The following ATP10D variants were observed in gnomAD, a reference collection of about 807,000 sequenced individuals.
ATP10D encodes phospholipid-transporting ATPase VD.
ATP10D carries 89 observed loss-of-function variants against 144.8 expected under a neutral mutation model. The observed-to-expected ratio is 0.61, with a 90% CI of 0.52 to 0.73. The LOEUF (loss-of-function observed/expected upper bound fraction) is 0.73. ATP10D is among the 30% of genes least tolerant of loss of function. The probability of loss-of-function intolerance (pLI) is 0.00; values close to 1 mark genes in which losing one functional copy is unlikely to be tolerated. For synonymous variants in ATP10D, 571 were observed against 615.1 expected, an observed-to-expected ratio of 0.93 and a Z score of 1.06; for missense variants, 1,603 against 1,714.8, an observed-to-expected ratio of 0.93 and a Z score of 1.15.
At chr4:47,505,093 G>A (rs1021574508) in intron 1 of ATP10D, among the ~76,000 whole-genome samples, 2 of 152,176 alleles carry the variant, frequency 1.3e-5, no homozygotes, top group Non-Finnish European at 2.9e-5. Flanking sequence ...TAATCCTTAA[G>A]ACCTCATCAA....
chr4:47,488,981 G>A (rs1714927082), intron 1 of ATP10D, among the ~76,000 whole-genome samples: 1 of 152,186 alleles, frequency 6.6e-6, no homozygotes, highest in South Asian at 2.1e-4. Flanking sequence ...GGACTTCCCA[G>A]CCTCTAGAAC....
chr4:47,536,791 A>T lies in ATP10D; in HGVS notation c.1249A>T (p.Ile417Phe). Residue 417 changes from isoleucine (I) to phenylalanine (F), a missense_variant, in exon 9 of 23, where the codon ATT becomes TTT. Coordinates refer to ENST00000273859, the MANE Select transcript of ATP10D (RefSeq NM_020453.4). Reference sequence around the variant, plus strand: ...TTTCTACAATGAAAAAATGGATTCTATTGTTCAGTGCCGAGCCCTGAACAT... The same window carrying T: ...TTTCTACAATGAAAAAATGGATTCTTTTGTTCAGTGCCGAGCCCTGAACAT... ...VDFYNEKMDS[I>F]VQCRALNIAE... is the part of the protein sequence containing the mutation. 1 of 1,613,218 alleles carries T rather than the reference A, an allele frequency of 6.2e-7. No individual in the cohort carries two copies. The highest frequency in any genetic ancestry group is 8.5e-7 in the Non-Finnish European group (1 of 1,179,584).
Position 47,549,619 on chromosome 4 carries a change from T to C in ATP10D, c.1635+2757T>C, listed in dbSNP as rs116163125. On this transcript the variant is annotated intron_variant, in intron 10 of 22. Coordinates refer to ENST00000273859, the MANE Select transcript of ATP10D (RefSeq NM_020453.4). ...GACGTGGCCTCAGCCTTCAGTTTTG[T>C]TCTAGATAGAGAAGAGAGACATATA... Among the ~76,000 whole-genome samples, 393 of 152,358 alleles carry C rather than the reference T, an allele frequency of 2.6e-3. 2 individuals are homozygous for C. The highest frequency in any genetic ancestry group is 8.9e-3 in the African/African-American group (371 of 41,580).
chr4:47,562,534 G>T (rs1000096519), intron 14 of ATP10D, among the ~76,000 whole-genome samples: 1 of 152,124 alleles, frequency 6.6e-6, no homozygotes, highest in African/African-American at 2.4e-5. Context: ...TAAAACGTCA[G>T]AAGACAACAG....
intron 21 of ATP10D, 108 bp from the exon 22 acceptor site, chr4:47,586,911 T>A (rs561777266): frequency 1.1e-6 from 1 of 929,700 alleles, no homozygotes; most frequent in Non-Finnish European, 1.7e-6. Flanking sequence ...GTTACACCAT[T>A]CATCCAGTGC....
chr4:47,526,953 A>G (rs1372957128), intron 5 of ATP10D, among the ~76,000 whole-genome samples: 1 of 152,204 alleles, frequency 6.6e-6, no homozygotes, highest in Non-Finnish European at 1.5e-5. Flanking sequence ...TAAGAAATTG[A>G]CAATCTTATT....
At chr4:47,491,347 T>C (rs1463882654) in intron 1 of ATP10D, 2 of 763,988 alleles carry the variant, frequency 2.6e-6, no homozygotes, top group Admixed American at 1.7e-5. Context: ...AAATCTCCAA[T>C]ATCACGTCTC....
intron 4 of ATP10D, 24 bp downstream of exon 4, chr4:47,523,240 T>A (rs1363235466): frequency 6.3e-7 from 1 of 1,592,446 alleles, no homozygotes; most frequent in Non-Finnish European, 8.6e-7. Flanking sequence ...TCTCAGTTAG[T>A]GGCTTATTAA....
chr4:47,525,627 G>T lies in ATP10D; in HGVS notation c.761G>T (p.Arg254Ile). 1 of 1,612,714 alleles carries T rather than the reference G, an allele frequency of 6.2e-7. No individual in the cohort carries two copies. Among genetic ancestry groups the T allele is most frequent in the Non-Finnish European group, 8.5e-7 (1 of 1,178,798 alleles). Residue 254 changes from arginine (R) to isoleucine (I), a missense_variant, in exon 5 of 23, where the codon AGA becomes ATA. Physicochemically the swap from Arg to Ile is moderately conservative, Grantham distance 97 (BLOSUM62 -3). Coordinates refer to ENST00000273859, the MANE Select transcript of ATP10D (RefSeq NM_020453.4). ...GAAAGCCCAAACAATGACCTCAGCA[G>T]ATTCCGAGGCTTCCTGTGAGTAATA... ...ECESPNNDLSRFRGFLEHSNK... is the reference protein window; with the variant it reads ...ECESPNNDLSIFRGFLEHSNK...
rs1346988072 is a variant in ATP10D at position 47,554,788 on chromosome 4, C to A, written c.1698C>A (p.Leu566=). The A allele has an allele frequency of 3.1e-6, 5 of 1,613,980 alleles. No homozygotes were observed. The South Asian group carries it at 4.4e-5, about 14-fold the overall frequency. The stretch of plus-strand genomic sequence containing the variant: ...AATTTAGTCAGATTACACCTCGGCT[C>A]TTTATGCCACTAGATGAGACCATCC... ...LDKFSQITPR[L]FMPLDETIQN... Residue 566 remains leucine (L), a synonymous_variant, in exon 11 of 23, where the codon CTC becomes CTA. Transcript: ENST00000273859.
rs200004371 is a variant in ATP10D at position 47,563,647 on chromosome 4, C to T, written c.2735C>T (p.Ala912Val). 8.7e-6 allele frequency: 14 copies of T among 1,613,742 alleles called. No individual in the cohort carries two copies. The highest frequency in any genetic ancestry group is 1.7e-5 in the Admixed American group (1 of 59,954). The change falls in exon 15 of 23, where the codon GCG becomes GTG. Residue 912 changes from alanine (A) to valine (V), a missense_variant. Transcript: ENST00000273859. ...VPESIEALHK[A>V]GIKIWMLTGD... is the part of the protein sequence containing the mutation. The stretch of plus-strand genomic sequence containing the variant: ...GAATCTATAGAAGCTCTTCACAAAG[C>T]GGGCATCAAGATCTGGATGCTGACA...
chr4:47,492,479 C>A (rs7681783), intron 1 of ATP10D, among the ~76,000 whole-genome samples: 151,595 of 152,344 alleles, frequency 1, 75,428 homozygotes, highest in East Asian at 1. Context: ...ACTTGTTTTT[C>A]ATACCATTTG....
At chr4:47,550,828 A>G (rs1410547411) in intron 10 of ATP10D, among the ~76,000 whole-genome samples, 1 of 152,168 alleles carries the variant, frequency 6.6e-6, no homozygotes, top group African/African-American at 2.4e-5. Flanking sequence ...CAGGGGTGGA[A>G]GTCAGCGGCG....
chr4:47,550,821 G>A lies in ATP10D; in HGVS notation c.1636-3905G>A, dbSNP rs181487435. On this transcript the variant is annotated intron_variant, in intron 10 of 22. Coordinates refer to ENST00000273859, the MANE Select transcript of ATP10D (RefSeq NM_020453.4). ...AGCAGACACCCTGCCAGATCCGCAG[G>A]GGTGGAAGTCAGCGGCGGGTCTGCG... 3.5e-3 allele frequency among the ~76,000 whole-genome samples: 528 copies of A among 152,336 alleles called. 4 individuals are homozygous for A. Among genetic ancestry groups the A allele is most frequent in the Middle Eastern group, 6.8e-3 (2 of 294 alleles).
intron 14 of ATP10D, among the ~76,000 whole-genome samples, chr4:47,561,713 T>C (rs1449275820): frequency 6.6e-6 from 1 of 152,226 alleles, no homozygotes; most frequent in African/African-American, 2.4e-5. Context: ...TCTGAAGCAC[T>C]TTAAAAAATA....
In ATP10D at chr4:47,512,596, C is replaced by G; in HGVS notation, c.56C>G (p.Ala19Gly). The G allele has an allele frequency of 6.2e-7, 1 of 1,614,154 alleles. No individual in the cohort carries two copies. The highest frequency in any genetic ancestry group is 1.3e-5 in the African/African-American group (1 of 75,028). ...CACTGGCGACGGCTGATCAGAGGTG[C>G]AACCAGGGATGATGATTCAGGGCCA... ...RYHWRRLIRG[A>G]TRDDDSGPYN... The change falls in exon 2 of 23, where the codon GCA (alanine) becomes GGA (glycine). Residue 19 changes from alanine to glycine, a missense_variant. Ala to Gly is a moderately conservative substitution (Grantham distance 60, BLOSUM62 0). Coordinates refer to ENST00000273859, the MANE Select transcript of ATP10D (RefSeq NM_020453.4).
chr4:47,543,528 A>G (rs1013229963), intron 9 of ATP10D, among the ~76,000 whole-genome samples: 3 of 152,198 alleles, frequency 2.0e-5, no homozygotes, highest in Non-Finnish European at 2.9e-5. Flanking sequence ...TATAACAAGC[A>G]AAAGTATCTA....
At chr4:47,589,937 T>A (rs1282568782) in intron 22 of ATP10D, among the ~76,000 whole-genome samples, 1 of 152,114 alleles carries the variant, frequency 6.6e-6, no homozygotes, top group African/African-American at 2.4e-5. Flanking sequence ...TAAGTTACTG[T>A]TGGTGAGGTT....
intron 9 of ATP10D, among the ~76,000 whole-genome samples, chr4:47,537,464 A>T (rs1216100964): frequency 1.3e-5 from 2 of 152,192 alleles, no homozygotes; most frequent in African/African-American, 4.8e-5. Context: ...AGTTTATAAA[A>T]GAAATATGTG....
Sources: gnomAD v4.1 joint callset for allele counts (sites outside exome capture counted in the v4.1 genomes callset) on GRCh38, gnomAD v4.1.1 for gene constraint, MANE v1.5 for transcripts, NCBI Gene and HGNC (gene_info 2026-07-23, HGNC 2026-07-21) for gene names.